Variants in BANK1 observed in about 807,000 individuals in gnomAD.
BANK1 encodes B-cell scaffold protein with ankyrin repeats.
BANK1 carries 95 observed loss-of-function variants against 94.5 expected under a neutral mutation model. That is an observed-to-expected ratio of 1.00 (90% confidence interval 0.85 to 1.19). The LOEUF (loss-of-function observed/expected upper bound fraction) is 1.19, where lower values mean the gene tolerates loss of function less well. BANK1 is among the 50% of genes most tolerant of loss of function. The probability of loss-of-function intolerance (pLI) is 0.00; values close to 1 mark genes in which losing one functional copy is unlikely to be tolerated. For synonymous variants in BANK1, 334 were observed against 308.4 expected (o/e 1.08, Z -0.87); for missense variants, 987 against 932.2 (o/e 1.06, Z -0.77).
chr4:101,942,205 T>C (rs1017794331), intron 7 of BANK1, among the ~76,000 whole-genome samples: 15 of 151,938 alleles, frequency 9.9e-5, no homozygotes, highest in Non-Finnish European at 7.4e-5. Flanking sequence ...TCAGCCTTAA[T>C]TGATTCTGCA....
At chr4:102,020,560 T>C (rs572096217) in intron 7 of BANK1, among the ~76,000 whole-genome samples, 2 of 152,124 alleles carry the variant, frequency 1.3e-5, no homozygotes, top group Admixed American at 6.5e-5. Context: ...TGGGCTCTCT[T>C]TGGCCAAAGT....
At position 102,021,438 on chromosome 4, in the gene BANK1, A is replaced by C. The variant is rs952391014; in HGVS notation, c.1207-76A>C. On this transcript the variant is annotated intron_variant, in intron 7 of 16. Transcript: ENST00000322953. ...TAATATTTAAATAAAAACAAAAACT[A>C]TTTCTTATTTGCACAGGCATCCAGT... is the stretch of plus-strand genomic sequence containing the variant. 1.1e-5 allele frequency: 6 copies of C among 536,166 alleles called. No homozygotes were observed. The African/African-American group carries it at 1.2e-4, about 11-fold the overall frequency. The allele number at this position is 536,166 out of a possible 1,614,324, so 33.2% of individuals were successfully genotyped here.
At chr4:101,920,271 A>C (rs1301801877) in intron 7 of BANK1, among the ~76,000 whole-genome samples, 7 of 151,968 alleles carry the variant, frequency 4.6e-5, no homozygotes, top group African/African-American at 1.2e-4. Context: ...ATCTAATATA[A>C]ATGATGAGTT....
At chr4:101,849,370 C>G (rs1343541820) in intron 2 of BANK1, among the ~76,000 whole-genome samples, 1 of 152,140 alleles carries the variant, frequency 6.6e-6, no homozygotes, top group African/African-American at 2.4e-5. Context: ...AGAATGTTCT[C>G]TCTCTTCTCT....
intron 1 of BANK1, among the ~76,000 whole-genome samples, chr4:101,804,915 C>T (rs938461799): frequency 3.3e-5 from 5 of 152,096 alleles, no homozygotes; most frequent in Admixed American, 6.5e-5. Flanking sequence ...ATCGTTCAAG[C>T]ATCAATTGTG....
chr4:101,893,564 T>C (rs1721956129), intron 5 of BANK1, among the ~76,000 whole-genome samples: 1 of 152,080 alleles, frequency 6.6e-6, no homozygotes, highest in African/African-American at 2.4e-5. Context: ...TCAGTTTGTA[T>C]CACTAAAACA....
intron 5 of BANK1, among the ~76,000 whole-genome samples, chr4:101,885,891 A>G (rs1265124216): frequency 6.6e-6 from 1 of 152,226 alleles, no homozygotes. Context: ...CTAGACCTCA[A>G]ACGTGTATAG....
intron 7 of BANK1, among the ~76,000 whole-genome samples, chr4:101,960,664 T>G (rs72916176): frequency 0.038 from 5,836 of 152,236 alleles, 392 homozygotes; most frequent in African/African-American, 0.13. Flanking sequence ...CCTCATTTGA[T>G]TCAAAGCTTT....
At chr4:102,015,181 T>A (rs2148944006) in intron 7 of BANK1, among the ~76,000 whole-genome samples, 1 of 152,054 alleles carries the variant, frequency 6.6e-6, no homozygotes, top group South Asian at 2.1e-4. Context: ...CTTATTTAAA[T>A]TTTTTTTAAT....
intron 7 of BANK1, among the ~76,000 whole-genome samples, chr4:101,962,320 C>T (rs1724599654): frequency 6.6e-6 from 1 of 152,164 alleles, no homozygotes; most frequent in African/African-American, 2.4e-5. Flanking sequence ...TTTATTCTTT[C>T]CTGCCATTCT....
At chr4:101,986,022 C>A (rs935389985) in intron 7 of BANK1, among the ~76,000 whole-genome samples, 4 of 152,204 alleles carry the variant, frequency 2.6e-5, no homozygotes, top group Admixed American at 2.0e-4. Context: ...GTCTACCAAT[C>A]ATTGTAATGG....
At chr4:102,015,515 G>A (rs577872030) in intron 7 of BANK1, among the ~76,000 whole-genome samples, 4 of 152,266 alleles carry the variant, frequency 2.6e-5, no homozygotes, top group African/African-American at 9.6e-5. Context: ...TTAAGATGTA[G>A]ATTAAATTGA....
chr4:102,062,118 C>T (rs953136927), intron 12 of BANK1: 1 of 151,984 alleles, frequency 6.6e-6, no homozygotes, highest in African/African-American at 2.4e-5. Flanking sequence ...TGTTTGTATC[C>T]TATGAATATA....
At chr4:101,860,583 A>G (rs1463706297) in intron 3 of BANK1, among the ~76,000 whole-genome samples, 5 of 152,030 alleles carry the variant, frequency 3.3e-5, no homozygotes, top group Non-Finnish European at 7.4e-5. Flanking sequence ...GGTGTGCACC[A>G]CCATGCCCGG....
chr4:101,983,950 A>G (rs183458861), intron 7 of BANK1, among the ~76,000 whole-genome samples: 1 of 152,104 alleles, frequency 6.6e-6, no homozygotes, highest in Admixed American at 6.6e-5. Flanking sequence ...AGTGCACAAG[A>G]AAAAAAATTC....
chr4:101,858,610 T>C (rs987802605), intron 3 of BANK1, among the ~76,000 whole-genome samples: 1 of 152,158 alleles, frequency 6.6e-6, no homozygotes, highest in Non-Finnish European at 1.5e-5. Context: ...TAATCAACCC[T>C]AATTCTTTTA....
At chr4:102,009,512 GTC>G (rs1263360193) in intron 7 of BANK1, among the ~76,000 whole-genome samples, 2 of 152,210 alleles carry the variant, frequency 1.3e-5, no homozygotes, top group Admixed American at 6.5e-5. Flanking sequence ...GTTGTCAGCT[GTC>G]TCTCTTATGA....
intron 1 of BANK1, among the ~76,000 whole-genome samples, chr4:101,792,729 A>G (rs1015419224): frequency 2.6e-5 from 4 of 152,162 alleles, no homozygotes; most frequent in Non-Finnish European, 2.9e-5. Context: ...CCAGGAAGGT[A>G]TATTTCTAGC....
intron 6 of BANK1, among the ~76,000 whole-genome samples, chr4:101,900,549 T>A (rs2148892998): frequency 6.6e-6 from 1 of 152,028 alleles, no homozygotes; most frequent in African/African-American, 2.4e-5. Flanking sequence ...GCAGTGGAGG[T>A]GAAGAGATTT....
Sources: allele counts gnomAD v4.1 joint callset (sites outside exome capture counted in the v4.1 genomes callset), GRCh38; gene constraint gnomAD v4.1.1; transcripts MANE v1.5; gene names NCBI Gene and HGNC (gene_info 2026-07-23, HGNC 2026-07-21).